The following SCGB1D2 variants were observed in gnomAD, a reference collection of about 807,000 sequenced individuals.
The protein encoded by SCGB1D2 is lipophilin-B.
In SCGB1D2, 10 loss-of-function variants were observed where a neutral mutation model predicts 10.5. The ratio of observed to expected loss-of-function variants is 0.95; its 90% CI spans 0.59 to 1.61. The LOEUF (loss-of-function observed/expected upper bound fraction) is 1.61, where lower values mean the gene tolerates loss of function less well. SCGB1D2 is among the 40% of genes most tolerant of loss of function. SCGB1D2 has a pLI of 0.00. For synonymous variants in SCGB1D2, 42 were observed against 42.8 expected (o/e 0.98, Z 0.08); for missense variants, 113 against 103.8 (o/e 1.09, Z -0.38).
In SCGB1D2 at chr11:62,243,338, C is replaced by CT; in HGVS notation, c.107dup (p.Ile37HisfsTer2). The CT allele has an allele frequency of 6.2e-7, 1 of 1,614,052 alleles. No individual in the cohort carries two copies. Among genetic ancestry groups the CT allele is most frequent in the Non-Finnish European group, 8.5e-7 (1 of 1,179,926 alleles). ...TTGTTTCTGAGCTGTTAGACTTCTT[C>CT]TTCATTAGTGAACCTCTGTTCAAGT... On this transcript the variant is annotated frameshift_variant, in exon 2 of 3. Transcript: ENST00000244926. LOFTEE classifies it high-confidence loss of function.
intron 2 of SCGB1D2, 51 bp downstream of exon 2, chr11:62,243,527 T>A (rs895286227): frequency 2.7e-6 from 4 of 1,484,544 alleles, no homozygotes; most frequent in Non-Finnish European, 3.7e-6. Flanking sequence ...CTGCACAGTA[T>A]GAAGTGAGGT....
In SCGB1D2 at chr11:62,243,474, C is replaced by T; in HGVS notation, c.241C>T (p.Leu81=). 3 of 1,611,332 alleles carry T rather than the reference C, an allele frequency of 1.9e-6. No homozygotes were observed. The highest frequency in any genetic ancestry group is 2.5e-6 in the Non-Finnish European group (3 of 1,178,384). The change falls in exon 2 of 3, where the codon CTG becomes TTG. Residue 81 remains leucine (L), a splice_region_variant and synonymous_variant. Transcript: ENST00000244926. ...LQKRSLIAEV[L]VKILKKCSV ...GAAACGAAGCCTCATTGCGGAAGTCCTGGTAACTTCTTTCTCCTTTATTTG... is the reference window on the plus strand; with the variant it reads ...GAAACGAAGCCTCATTGCGGAAGTCTTGGTAACTTCTTTCTCCTTTATTTG...
intron 1 of SCGB1D2, among the ~76,000 whole-genome samples, 193 bp from the exon 2 acceptor site, chr11:62,243,096 C>T (rs914921922): frequency 2.6e-5 from 4 of 152,146 alleles, no homozygotes; most frequent in African/African-American, 9.7e-5. Context: ...AAGAGTTTGG[C>T]TGTTGATATG....
At chr11:62,244,568 T>C in intron 2 of SCGB1D2, 102 bp from the exon 3 acceptor site, 1 of 1,055,162 alleles carries the variant, frequency 9.5e-7, no homozygotes, top group Non-Finnish European at 1.4e-6. Flanking sequence ...GCCCTTCCAA[T>C]TGCCTTTGGG....
At position 62,243,479 on chromosome 11, in the gene SCGB1D2, A is replaced by G; in HGVS notation, c.243+3A>G. The G allele has an allele frequency of 6.2e-7, 1 of 1,610,836 alleles. No individual in the cohort carries two copies. The highest frequency in any genetic ancestry group is 1.1e-5 in the South Asian group (1 of 90,570). Reference sequence around the variant, plus strand: ...GAAGCCTCATTGCGGAAGTCCTGGTAACTTCTTTCTCCTTTATTTGTTAAG... The same window carrying G: ...GAAGCCTCATTGCGGAAGTCCTGGTGACTTCTTTCTCCTTTATTTGTTAAG... On this transcript the variant is annotated splice_donor_region_variant and intron_variant, in intron 2 of 2. Transcript: ENST00000244926.
At chr11:62,244,183 A>C (rs1945089575) in intron 2 of SCGB1D2, among the ~76,000 whole-genome samples, 1 of 152,168 alleles carries the variant, frequency 6.6e-6, no homozygotes, top group Non-Finnish European at 1.5e-5. Flanking sequence ...CCTGAGGTTT[A>C]GCTGCAAATG....
intron 1 of SCGB1D2, among the ~76,000 whole-genome samples, chr11:62,243,035 T>C (rs1945076536): frequency 6.6e-6 from 1 of 152,072 alleles, no homozygotes; most frequent in Non-Finnish European, 1.5e-5. Flanking sequence ...GAGGCTGCAG[T>C]GAGCCATGAT....
At position 62,244,792 on chromosome 11, in the gene SCGB1D2, A is replaced by T; in HGVS notation, c.*93A>T. The stretch of plus-strand genomic sequence containing the variant: ...AAAGGTTTCAACGTCTTGCTTTAAT[A>T]AATCACTTGCTCTCCACGTCTCCAC... On this transcript the variant is annotated 3_prime_UTR_variant, in exon 3 of 3. Transcript: ENST00000244926. 1 of 1,105,998 alleles carries T rather than the reference A, an allele frequency of 9.0e-7. No individual in the cohort carries two copies. The highest frequency in any genetic ancestry group is 1.4e-6 in the Non-Finnish European group (1 of 730,692). 68.5% of individuals were successfully genotyped at this position (1,105,998 alleles called of 1,614,324 possible).
chr11:62,242,401 G>A, intron 1 of SCGB1D2, 39 bp downstream of exon 1: 1 of 1,607,370 alleles, frequency 6.2e-7, no homozygotes, highest in South Asian at 1.1e-5. Context: ...CAGCCCCTGG[G>A]AAGCACCCTC....
intron 1 of SCGB1D2, 49 bp from the exon 2 acceptor site, chr11:62,243,240 A>G: frequency 6.6e-7 from 1 of 1,526,396 alleles, no homozygotes; most frequent in Non-Finnish European, 9.0e-7. Flanking sequence ...AGCCAAAGAG[A>G]AAAATCGACT....
chr11:62,243,547 G>A, intron 2 of SCGB1D2, 71 bp downstream of exon 2: 3 of 1,344,986 alleles, frequency 2.2e-6, no homozygotes, highest in African/African-American at 1.4e-5. Context: ...TCAGCTTGCT[G>A]CTCTGTTGGG....
chr11:62,243,539 A>C (rs1012426946), intron 2 of SCGB1D2, 63 bp downstream of exon 2: 1 of 1,404,918 alleles, frequency 7.1e-7, no homozygotes, highest in Non-Finnish European at 9.8e-7. Context: ...AAGTGAGGTC[A>C]GCTTGCTGCT....
chr11:62,244,790 A>G lies in SCGB1D2; in HGVS notation c.*91A>G. Reference sequence around the variant, plus strand: ...GTAAAGGTTTCAACGTCTTGCTTTAATAAATCACTTGCTCTCCACGTCTCC... The same window carrying G: ...GTAAAGGTTTCAACGTCTTGCTTTAGTAAATCACTTGCTCTCCACGTCTCC... On this transcript the variant is annotated 3_prime_UTR_variant, in exon 3 of 3. Transcript: ENST00000244926. 3 of 1,120,442 alleles carry G rather than the reference A, an allele frequency of 2.7e-6. No individual in the cohort carries two copies. In the South Asian group the frequency reaches 3.9e-5, roughly 15 times the overall value. The allele number at this position is 1,120,442 out of a possible 1,614,324, so 69.4% of individuals were successfully genotyped here.
intron 2 of SCGB1D2, among the ~76,000 whole-genome samples, chr11:62,243,993 C>T (rs1945087727): frequency 6.6e-6 from 1 of 152,108 alleles, no homozygotes. Context: ...CCTCCCAGCT[C>T]CTGAGACCCC....
intron 1 of SCGB1D2, among the ~76,000 whole-genome samples, chr11:62,242,593 C>T (rs1239411946): frequency 1.3e-5 from 2 of 152,342 alleles, no homozygotes; most frequent in Non-Finnish European, 2.9e-5. Flanking sequence ...AATTCTTCTG[C>T]CTGAGCTTCA....
intron 1 of SCGB1D2, among the ~76,000 whole-genome samples, chr11:62,243,079 G>GA (rs1590664491): frequency 6.6e-6 from 1 of 151,582 alleles, no homozygotes; most frequent in African/African-American, 2.4e-5. Context: ...GTGACAAAGG[G>GA]AAAAAAAAGA....
rs114730362 is a variant in SCGB1D2, at chr11:62,243,462, A to G, written c.229A>G (p.Ile77Val). The G allele has an allele frequency of 1.2e-6, 2 of 1,612,744 alleles. No homozygotes were observed. The highest frequency in any genetic ancestry group is 2.7e-5 in the African/African-American group (2 of 75,018). The change falls in exon 2 of 3, where the codon ATT (isoleucine) becomes GTT (valine). Residue 77 changes from isoleucine (I) to valine (V), a missense_variant. Coordinates refer to ENST00000244926, the MANE Select transcript of SCGB1D2 (RefSeq NM_006551.4). ...DQMSLQKRSL[I>V]AEVLVKILKK... ...GATGTCCCTTCAGAAACGAAGCCTC[A>G]TTGCGGAAGTCCTGGTAACTTCTTT...
chr11:62,244,709 A>G lies in SCGB1D2; in HGVS notation c.*10A>G. On this transcript the variant is annotated 3_prime_UTR_variant, in exon 3 of 3. Transcript: ENST00000244926. ...GAAATGTAGTGTGTGACATGTAAAA[A>G]CTTTCATCCTGGTTTCCACTGTCTT... is the stretch of plus-strand genomic sequence containing the variant. 6.2e-7 allele frequency: 1 copy of G among 1,610,342 alleles called. No homozygotes were observed. Among genetic ancestry groups the G allele is most frequent in the African/African-American group, 1.3e-5 (1 of 74,868 alleles).
chr11:62,242,649 G>A (rs1945072818), intron 1 of SCGB1D2, among the ~76,000 whole-genome samples: 1 of 152,214 alleles, frequency 6.6e-6, no homozygotes, highest in African/African-American at 2.4e-5. Context: ...GAGGTCTGGG[G>A]TGAATCTGGG....
Sources: gnomAD v4.1 joint callset for allele counts (sites outside exome capture counted in the v4.1 genomes callset) on GRCh38, gnomAD v4.1.1 for gene constraint, MANE v1.5 for transcripts, NCBI Gene and HGNC (gene_info 2026-07-23, HGNC 2026-07-21) for gene names.